Variants in PRPF40B observed in about 807,000 individuals in gnomAD.
PRPF40B encodes pre-mRNA-processing factor 40 homolog B.
Under a neutral mutation model 124.5 loss-of-function variants are expected in PRPF40B, and 56 were observed. The observed-to-expected ratio is 0.45, with a 90% CI of 0.36 to 0.56. The LOEUF is 0.56. PRPF40B is among the 20% of genes least tolerant of loss of function. The probability of loss-of-function intolerance (pLI) is 0.00; values close to 1 mark genes in which losing one functional copy is unlikely to be tolerated. For missense variants in PRPF40B, 1,053 were observed against 1,169.5 expected (o/e 0.90, Z 1.45); for synonymous variants, 443 against 426.4 (o/e 1.04, Z -0.48).
Position 49,633,528 on chromosome 12 carries a change from G to A in PRPF40B, c.561G>A (p.Lys187=), listed in dbSNP as rs1215498962. ...AAGAGTCCCGCTGGACCCGGCCCAAGGATCTGGATGACCTAGAGGGTGAGA... is the reference window on the plus strand; with the variant it reads ...AAGAGTCCCGCTGGACCCGGCCCAAAGATCTGGATGACCTAGAGGGTGAGA... The part of the protein sequence containing the change: ...QSKESRWTRP[K]DLDDLEVLVK... Residue 187 remains lysine (K), a synonymous_variant, in exon 8 of 26, where the codon AAG becomes AAA. Coordinates refer to ENST00000548825, the MANE Select transcript of PRPF40B (RefSeq NM_001031698.3). The A allele has an allele frequency of 5.6e-6, 9 of 1,614,228 alleles. No individual in the cohort carries two copies. Among genetic ancestry groups the A allele is most frequent in the Non-Finnish European group, 5.9e-6 (7 of 1,180,036 alleles).
At chr12:49,639,670 CTG>C (rs1343857757) in intron 18 of PRPF40B, 1 of 151,780 alleles carries the variant, frequency 6.6e-6, no homozygotes, top group Non-Finnish European at 1.5e-5. Context: ...TTTTAATAAA[CTG>C]TTTCTGCTGT....
chr12:49,637,035 T>C, intron 16 of PRPF40B, 186 bp downstream of exon 16: 1 of 878,772 alleles, frequency 1.1e-6, no homozygotes, highest in Non-Finnish European at 1.7e-6. Flanking sequence ...TGGACTGTGC[T>C]CTTCTAGGGA....
upstream of PRPF40B, among the ~76,000 whole-genome samples, chr12:49,623,025 C>T (rs1565820060): frequency 1.3e-5 from 2 of 152,070 alleles, no homozygotes; most frequent in African/African-American, 2.4e-5. Flanking sequence ...CGTGTACGCC[C>T]CACAAGGGCG....
Position 49,635,827 on chromosome 12 carries a change from TC to T in PRPF40B, c.1276-14del. On this transcript the variant is annotated splice_polypyrimidine_tract_variant and intron_variant, in intron 14 of 25. Transcript: ENST00000548825. This position sits in a 1 kb window ranked among gnomAD's most constrained non-coding sequence, Gnocchi z 4.1. ...TCTGGCCTGCCCTGCCTCACCCTGA[TC>T]CTGTGGCTCCCTAGGAACAGGCCAA... The T allele has an allele frequency of 1.2e-6, 2 of 1,613,190 alleles. No homozygotes were observed. The highest frequency in any genetic ancestry group is 1.7e-6 in the Non-Finnish European group (2 of 1,179,736).
intron 12 of PRPF40B, chr12:49,634,894 C>G (rs73305068): frequency 4.6e-6 from 3 of 651,356 alleles, no homozygotes; most frequent in Non-Finnish European, 7.8e-6. Flanking sequence ...AGGAAAAGGG[C>G]CCAGTATTTG....
chr12:49,635,246 C>T lies in PRPF40B; in HGVS notation c.1149C>T (p.Thr383=). ...QHFLEQHERM[T]STTRYRRAEQ... is the part of the protein sequence containing the mutation. ...TCCTGGAGCAGCATGAACGCATGACCTCCACCACCCGCTACCGGTCAGGGG... is the reference window on the plus strand; with the variant it reads ...TCCTGGAGCAGCATGAACGCATGACTTCCACCACCCGCTACCGGTCAGGGG... The change falls in exon 13 of 26, where the codon ACC becomes ACT. Residue 383 remains threonine, a synonymous_variant. Coordinates refer to ENST00000548825, the MANE Select transcript of PRPF40B (RefSeq NM_001031698.3). This position sits in a 1 kb window ranked among gnomAD's most constrained non-coding sequence, Gnocchi z 4.1. 1 of 1,613,490 alleles carries T rather than the reference C, an allele frequency of 6.2e-7. No homozygotes were observed. Among genetic ancestry groups the T allele is most frequent in the South Asian group, 1.1e-5 (1 of 91,022 alleles).
chr12:49,633,295 T>G (rs78856323), intron 7 of PRPF40B, 132 bp from the exon 8 acceptor site: 19 of 1,374,734 alleles, frequency 1.4e-5, no homozygotes, highest in Non-Finnish European at 1.8e-5. Flanking sequence ...AAGTCCACCT[T>G]CCCCAGTTTG....
At chr12:49,628,626 G>A (rs531044371) in intron 1 of PRPF40B, among the ~76,000 whole-genome samples, 13 of 149,644 alleles carry the variant, frequency 8.7e-5, no homozygotes, top group Non-Finnish European at 1.5e-4. Context: ...TTGGAGTGCA[G>A]TGGCGCCTCG....
In PRPF40B at chr12:49,642,395, A is replaced by C. The variant is rs1312916042; in HGVS notation, c.2022+23A>C. 1 of 1,612,168 alleles carries C rather than the reference A, an allele frequency of 6.2e-7. No homozygotes were observed. Reference sequence around the variant, plus strand: ...GAGGTCAGGAGCGTAGCCTGGCCCCAAGCACCCCTCAAGCCTGAGGGCAGC... The same window carrying C: ...GAGGTCAGGAGCGTAGCCTGGCCCCCAGCACCCCTCAAGCCTGAGGGCAGC... On this transcript the variant is annotated intron_variant, in intron 20 of 25. Coordinates refer to ENST00000548825, the MANE Select transcript of PRPF40B (RefSeq NM_001031698.3). The surrounding 1 kb of genome is among the most constrained non-coding windows in gnomAD (Gnocchi z 5.8).
intron 1 of PRPF40B, among the ~76,000 whole-genome samples, chr12:49,628,562 GTTT>G (rs1226851283): frequency 2.2e-5 from 3 of 134,962 alleles, no homozygotes; most frequent in Admixed American, 7.5e-5. Flanking sequence ...GCCAGGAACA[GTTT>G]TTTTTTTTTT....
In PRPF40B at chr12:49,631,713, G is replaced by T; in HGVS notation, c.229-147G>T. 8.1e-7 allele frequency: 1 copy of T among 1,234,618 alleles called. No individual in the cohort carries two copies. Among genetic ancestry groups the T allele is most frequent in the South Asian group, 1.3e-5 (1 of 78,490 alleles). The allele number at this position is 1,234,618 out of a possible 1,614,324, so 76.5% of individuals were successfully genotyped here. A position where few individuals can be genotyped will look rare whatever the true frequency, so the allele number is the denominator to read the frequency against. ...CTGAGACAACTCTCAGGCAAGGTGA[G>T]AGGCCAGAATCTGGGGATTGCCTGA... On this transcript the variant is annotated intron_variant, in intron 3 of 25. Transcript: ENST00000548825. The surrounding 1 kb of genome is among the most constrained non-coding windows in gnomAD (Gnocchi z 4.3).
chr12:49,626,676 T>C (rs918217751), intron 1 of PRPF40B, among the ~76,000 whole-genome samples: 1 of 152,126 alleles, frequency 6.6e-6, no homozygotes, highest in African/African-American at 2.4e-5. Flanking sequence ...GCTTTGACTG[T>C]TAGATGAAAG....
chr12:49,623,952 G>A (rs1277562250), intron 1 of PRPF40B: 2 of 1,106,012 alleles, frequency 1.8e-6, no homozygotes, highest in African/African-American at 3.3e-5. Flanking sequence ...GTGGGGACCA[G>A]TTTCCCCTCC....
Position 49,644,170 on chromosome 12 carries a change from A to C in PRPF40B, c.2657A>C (p.Gln886Pro). The C allele has an allele frequency of 1.9e-6, 3 of 1,614,118 alleles. No individual in the cohort carries two copies. Among genetic ancestry groups the C allele is most frequent in the Non-Finnish European group, 2.5e-6 (3 of 1,180,034 alleles). The change falls in exon 26 of 26, where the codon CAG becomes CCG. Residue 886 changes from glutamine to proline, a missense_variant. Transcript: ENST00000548825. ...ELERRRRTLL[Q>P]QLDDHQ Reference sequence around the variant, plus strand: ...GAGAGGCGGCGGCGGACACTCCTACAGCAGCTGGATGATCACCAGTGACCC... The same window carrying C: ...GAGAGGCGGCGGCGGACACTCCTACCGCAGCTGGATGATCACCAGTGACCC...
At chr12:49,638,820 G>A (rs1942212360) in intron 18 of PRPF40B, 1 of 152,152 alleles carries the variant, frequency 6.6e-6, no homozygotes, top group South Asian at 2.1e-4. Context: ...TTCCACCAGA[G>A]TACACCTAAT....
In PRPF40B at chr12:49,635,613, C is replaced by T. The variant is rs1225931365; in HGVS notation, c.1275+140C>T. The T allele has an allele frequency of 5.3e-6, 5 of 936,020 alleles. No homozygotes were observed. The African/African-American group carries it at 6.6e-5, about 12-fold the overall frequency. The allele number at this position is 936,020 out of a possible 1,614,324, so 58.0% of individuals were successfully genotyped here. A position where few individuals can be genotyped will look rare whatever the true frequency, so the allele number is the denominator to read the frequency against. ...GACTTGGAAGCTGGTATGGGACTTG[C>T]ACATCTCATTTCTGCTCTGGGCCTA... On this transcript the variant is annotated intron_variant, in intron 14 of 25. Transcript: ENST00000548825. The surrounding 1 kb of genome is among the most constrained non-coding windows in gnomAD (Gnocchi z 4.1).
chr12:49,625,608 T>C (rs1027175992), intron 1 of PRPF40B, among the ~76,000 whole-genome samples: 6 of 152,180 alleles, frequency 3.9e-5, no homozygotes, highest in Non-Finnish European at 5.9e-5. Context: ...GAAGTATTGA[T>C]TGCATCTTTG....
Position 49,643,033 on chromosome 12 carries a change from A to C in PRPF40B, c.2205+17A>C. On this transcript the variant is annotated intron_variant, in intron 22 of 25. Coordinates refer to ENST00000548825, the MANE Select transcript of PRPF40B (RefSeq NM_001031698.3). ...TCACCCTCAGTGAGTAAGCGTGTAG[A>C]AGGGACATGGGGTGAAGCTGGGTTG... 6.2e-7 allele frequency: 1 copy of C among 1,612,726 alleles called. No individual in the cohort carries two copies.
Position 49,631,955 on chromosome 12 carries a change from C to T in PRPF40B, c.294+30C>T, listed in dbSNP as rs778814805. 3 of 1,603,214 alleles carry T rather than the reference C, an allele frequency of 1.9e-6. No individual in the cohort carries two copies. Among genetic ancestry groups the T allele is most frequent in the Non-Finnish European group, 2.6e-6 (3 of 1,170,236 alleles). On this transcript the variant is annotated intron_variant, in intron 4 of 25. Transcript: ENST00000548825. This position sits in a 1 kb window ranked among gnomAD's most constrained non-coding sequence, Gnocchi z 4.3. ...GCACTAGGGGCCAGCAGGTAGCAGG[C>T]TCTGCCCTGCAGTCCCGTGAGTCTG...
Sources: gnomAD v4.1 joint callset for allele counts (sites outside exome capture counted in the v4.1 genomes callset) on GRCh38, gnomAD v4.1.1 for gene constraint, Gnocchi (gnomAD v3.1) non-coding constraint, MANE v1.5 for transcripts, NCBI Gene and HGNC (gene_info 2026-07-23, HGNC 2026-07-21) for gene names.